Variants in WDPCP observed in about 807,000 individuals in gnomAD.
WDPCP encodes WD repeat-containing and planar cell polarity effector protein fritz homolog.
In WDPCP, 71 loss-of-function variants were observed where a neutral mutation model predicts 93.1. The observed-to-expected ratio is 0.76, with a 90% confidence interval of 0.63 to 0.93. WDPCP has a LOEUF of 0.93. WDPCP is among the 40% of genes least tolerant of loss of function. The probability of loss-of-function intolerance (pLI) is 0.00; values close to 1 mark genes in which losing one functional copy is unlikely to be tolerated. For missense variants in WDPCP, 844 were observed against 887.4 expected, an observed-to-expected ratio of 0.95 and a Z score of 0.62; for synonymous variants, 315 against 315.0, an observed-to-expected ratio of 1.00 and a Z score of 0.00.
At chr2:63,396,416 T>C (rs1226403418) in intron 10 of WDPCP, among the ~76,000 whole-genome samples, 2 of 152,178 alleles carry the variant, frequency 1.3e-5, no homozygotes, top group Non-Finnish European at 2.9e-5. Context: ...AGAGTGAAGA[T>C]GTTAGCTTTA....
At chr2:63,130,428 A>G (rs1670216152) in intron 17 of WDPCP, among the ~76,000 whole-genome samples, 1 of 152,096 alleles carries the variant, frequency 6.6e-6, no homozygotes. Context: ...CCACATACAC[A>G]AAGGTTTTAT....
intron 1 of WDPCP, among the ~76,000 whole-genome samples, chr2:63,503,688 A>G (rs1040120399): frequency 3.3e-5 from 5 of 152,178 alleles, no homozygotes; most frequent in Non-Finnish European, 7.4e-5. Context: ...CTCTATAAAT[A>G]TAATTTTATG....
intron 2 of WDPCP, among the ~76,000 whole-genome samples, chr2:63,736,167 C>A (rs953384055): frequency 6.6e-6 from 1 of 152,112 alleles, no homozygotes; most frequent in African/African-American, 2.4e-5. Flanking sequence ...TGATCTCTGA[C>A]CCTCATCTCA....
In WDPCP at chr2:63,391,710, T is replaced by C. The variant is rs191211063; in HGVS notation, c.1436-9616A>G. 1.2e-3 allele frequency among the ~76,000 whole-genome samples: 178 copies of C among 152,254 alleles called. 2 individuals carry two copies. Among genetic ancestry groups the C allele is most frequent in the African/African-American group, 3.9e-3 (164 of 41,548 alleles). On this transcript the variant is annotated intron_variant, in intron 10 of 17. Coordinates refer to ENST00000272321, the MANE Select transcript of WDPCP (RefSeq NM_015910.7). The stretch of plus-strand genomic sequence containing the variant: ...GCAAAGTCTCAGGATACAAAATCAA[T>C]GTGCAAAAATCACAAGCATTCCTAT...
At chr2:63,170,624 A>G (rs953858787) in intron 15 of WDPCP, among the ~76,000 whole-genome samples, 5 of 152,212 alleles carry the variant, frequency 3.3e-5, no homozygotes, top group Admixed American at 2.6e-4. Flanking sequence ...GCTTATTCCA[A>G]TGTATCTAAT....
At chr2:63,133,444 T>C (rs567101086) in intron 17 of WDPCP, among the ~76,000 whole-genome samples, 2 of 152,266 alleles carry the variant, frequency 1.3e-5, no homozygotes, top group South Asian at 4.1e-4. Context: ...CAAGGGATGG[T>C]GATATGATTT....
intron 12 of WDPCP, among the ~76,000 whole-genome samples, chr2:63,326,282 T>C (rs533687453): frequency 6.6e-6 from 1 of 152,306 alleles, no homozygotes; most frequent in South Asian, 2.1e-4. Flanking sequence ...TCCAGACTTA[T>C]GCCGCCCGAG....
chr2:63,613,996 G>C (rs891967320), intron 3 of WDPCP, among the ~76,000 whole-genome samples: 3 of 152,144 alleles, frequency 2.0e-5, no homozygotes, highest in African/African-American at 7.2e-5. Context: ...TCTGAGAGCA[G>C]CTCCAAGAGA....
At chr2:63,370,313 G>A (rs1435120708) in intron 12 of WDPCP, among the ~76,000 whole-genome samples, 1 of 151,988 alleles carries the variant, frequency 6.6e-6, no homozygotes, top group Non-Finnish European at 1.5e-5. Flanking sequence ...AAAGACTTGA[G>A]GTTTTGCTAT....
At chr2:63,492,463 T>C (rs988605939) in intron 2 of WDPCP, among the ~76,000 whole-genome samples, 2 of 151,762 alleles carry the variant, frequency 1.3e-5, no homozygotes, top group Admixed American at 6.6e-5. Context: ...AGAAAAAAAA[T>C]TGAATATGTA....
chr2:63,609,855 G>A (rs1048109771), intron 3 of WDPCP, among the ~76,000 whole-genome samples: 4 of 152,232 alleles, frequency 2.6e-5, no homozygotes, highest in African/African-American at 4.8e-5. Context: ...CTGGGTGACA[G>A]AGCAAGATTG....
intron 2 of WDPCP, among the ~76,000 whole-genome samples, chr2:63,805,517 A>AT (rs917504701): frequency 2.6e-5 from 4 of 152,034 alleles, no homozygotes; most frequent in African/African-American, 9.7e-5. Flanking sequence ...TGCTTATATG[A>AT]TTTTTTTGAT....
chr2:63,291,092 C>T (rs993962934), intron 13 of WDPCP, among the ~76,000 whole-genome samples: 1 of 152,144 alleles, frequency 6.6e-6, no homozygotes, highest in Non-Finnish European at 1.5e-5. Flanking sequence ...ATACTTTATA[C>T]TGATCTGTCT....
At chr2:63,288,501 A>G (rs866117785) in intron 13 of WDPCP, among the ~76,000 whole-genome samples, 1 of 152,244 alleles carries the variant, frequency 6.6e-6, no homozygotes, top group Non-Finnish European at 1.5e-5. Context: ...CTGTGATAGT[A>G]AGTGAAAATT....
intron 10 of WDPCP, among the ~76,000 whole-genome samples, chr2:63,398,735 A>G (rs529201782): frequency 6.6e-6 from 1 of 151,374 alleles, no homozygotes; most frequent in Non-Finnish European, 1.5e-5. Flanking sequence ...TTTCATGTCA[A>G]ATTTTCCAAA....
At chr2:63,582,976 GAAATT>G (rs1708591729) in intron 1 of WDPCP, among the ~76,000 whole-genome samples, 1 of 151,966 alleles carries the variant, frequency 6.6e-6, no homozygotes, top group Non-Finnish European at 1.5e-5. Flanking sequence ...TCTATAAAAA[GAAATT>G]AAAAGACTGA....
intron 12 of WDPCP, among the ~76,000 whole-genome samples, chr2:63,366,567 G>C (rs1445902036): frequency 6.6e-6 from 1 of 151,996 alleles, no homozygotes; most frequent in African/African-American, 2.4e-5. Flanking sequence ...TTGTTACATG[G>C]ATTATCATAT....
chr2:63,708,355 G>A (rs1217375422), intron 2 of WDPCP, among the ~76,000 whole-genome samples: 1 of 152,174 alleles, frequency 6.6e-6, no homozygotes, highest in African/African-American at 2.4e-5. Context: ...CCTCGCTGCT[G>A]CCTTGCAGTT....
chr2:63,314,780 G>A lies in WDPCP; in HGVS notation c.1749-1469C>T, dbSNP rs182952093. On this transcript the variant is annotated intron_variant, in intron 12 of 17. Coordinates refer to ENST00000272321, the MANE Select transcript of WDPCP (RefSeq NM_015910.7). ...CAGTGGCTTACAAATCTACACCTCC[G>A]GGATCCATCTCTTCCCTGATCTCCA... Among the ~76,000 whole-genome samples, 62 of 152,090 alleles carry A rather than the reference G, an allele frequency of 4.1e-4. No individual in the cohort carries two copies. The East Asian group carries it at 0.01, about 25-fold the overall frequency.
Sources: allele counts gnomAD v4.1 joint callset (sites outside exome capture counted in the v4.1 genomes callset), GRCh38; gene constraint gnomAD v4.1.1; transcripts MANE v1.5; gene names NCBI Gene and HGNC (gene_info 2026-07-23, HGNC 2026-07-21).